The following DOK5 variants were observed in gnomAD, a reference collection of about 807,000 sequenced individuals.
DOK5 encodes the protein docking protein 5, also known as downstream of tyrosine kinase 5.
In DOK5, 27 loss-of-function variants were observed where a neutral mutation model predicts 43.3. The ratio of observed to expected loss-of-function variants is 0.62; its 90% CI spans 0.46 to 0.86. The LOEUF (loss-of-function observed/expected upper bound fraction) is 0.86, where lower values mean the gene tolerates loss of function less well. Among genes scored for constraint, DOK5 ranks in the 40% least tolerant of loss-of-function variants. DOK5 has a pLI of 0.00. For synonymous variants in DOK5, 146 were observed against 140.1 expected, an observed-to-expected ratio of 1.04 and a Z score of -0.30; for missense variants, 373 against 392.9, an observed-to-expected ratio of 0.95 and a Z score of 0.43.
intron 2 of DOK5, among the ~76,000 whole-genome samples, chr20:54,559,334 T>TA (rs1401262245): frequency 6.6e-6 from 1 of 152,174 alleles, no homozygotes; most frequent in Non-Finnish European, 1.5e-5. Context: ...ATCCCAGCTT[T>TA]GCCACCGTAT....
At chr20:54,514,099 T>C (rs1983107469) in intron 1 of DOK5, among the ~76,000 whole-genome samples, 1 of 152,208 alleles carries the variant, frequency 6.6e-6, no homozygotes, top group Non-Finnish European at 1.5e-5. Flanking sequence ...TGGATTCTGA[T>C]TTCTTGACAA....
intron 6 of DOK5, among the ~76,000 whole-genome samples, chr20:54,614,923 T>C (rs914831653): frequency 6.6e-6 from 1 of 152,212 alleles, no homozygotes; most frequent in Non-Finnish European, 1.5e-5. Flanking sequence ...TGTTTTGCCT[T>C]TTCTGGTAAT....
chr20:54,512,875 G>T (rs1983058788), intron 1 of DOK5, among the ~76,000 whole-genome samples: 2 of 152,118 alleles, frequency 1.3e-5, no homozygotes, highest in Non-Finnish European at 1.5e-5. Context: ...AACATTTGTG[G>T]GGGCCTAAGC....
rs571798333 is a variant in DOK5 at position 54,637,695 on chromosome 20, T to G, written c.736-5763T>G. The stretch of plus-strand genomic sequence containing the variant: ...TCTAATTTGATAGCTTGGTTAGGAT[T>G]TATTTTTGAAGACAATTTTCTGCTA... On this transcript the variant is annotated intron_variant, in intron 6 of 7. Transcript: ENST00000262593. Among the ~76,000 whole-genome samples the G allele has an allele frequency of 1.3e-4, 20 of 152,374 alleles. No homozygotes were observed. The South Asian group carries it at 4.1e-3, about 32-fold the overall frequency.
intron 1 of DOK5, chr20:54,494,917 C>G (rs140833075): frequency 4.0e-5 from 6 of 151,868 alleles, no homozygotes; most frequent in Middle Eastern, 3.4e-3. Flanking sequence ...ATCTGCAACT[C>G]TAGACCAACC....
chr20:54,551,643 A>G (rs1223768727), intron 1 of DOK5, among the ~76,000 whole-genome samples: 1 of 152,106 alleles, frequency 6.6e-6, no homozygotes, highest in African/African-American at 2.4e-5. Context: ...TTGCCTCAGT[A>G]CTGTACACTG....
intron 6 of DOK5, among the ~76,000 whole-genome samples, chr20:54,642,752 A>G (rs1979184970): frequency 1.3e-5 from 2 of 152,020 alleles, no homozygotes; most frequent in Admixed American, 6.6e-5. Context: ...CAAAACAGAA[A>G]AACCCCAAAC....
chr20:54,555,335 CT>C (rs1449851941), intron 2 of DOK5: 4 of 256,736 alleles, frequency 1.6e-5, no homozygotes, highest in African/African-American at 8.7e-5. Flanking sequence ...AGGATGAGGA[CT>C]GGATCTCATT....
At chr20:54,565,225 A>G (rs1985054576) in intron 2 of DOK5, among the ~76,000 whole-genome samples, 1 of 152,236 alleles carries the variant, frequency 6.6e-6, no homozygotes, top group South Asian at 2.1e-4. Flanking sequence ...CATACCTATG[A>G]TAAAGTTTAA....
chr20:54,537,433 G>A (rs1220256389), intron 1 of DOK5, among the ~76,000 whole-genome samples: 1 of 152,184 alleles, frequency 6.6e-6, no homozygotes, highest in Non-Finnish European at 1.5e-5. Context: ...TGATAAAAAT[G>A]CCCCAAGGAG....
chr20:54,605,034 CACACACACACACGTAT>C (rs1395773114), intron 5 of DOK5, among the ~76,000 whole-genome samples: 2 of 143,594 alleles, frequency 1.4e-5, no homozygotes, highest in Admixed American at 6.8e-5. Context: ...TACACACACA[CACACACACACACGTAT>C]ACACACACAC....
At chr20:54,644,417 A>T (rs892277547) in intron 7 of DOK5, among the ~76,000 whole-genome samples, 6 of 151,952 alleles carry the variant, frequency 3.9e-5, no homozygotes, top group Non-Finnish European at 7.4e-5. Context: ...ACTAAAAAAA[A>T]TACAAGGCCG....
intron 5 of DOK5, among the ~76,000 whole-genome samples, chr20:54,606,104 G>T (rs1358939505): frequency 6.6e-6 from 1 of 152,146 alleles, no homozygotes; most frequent in Non-Finnish European, 1.5e-5. Flanking sequence ...CTGAGCTATT[G>T]GTTCCTTCTG....
At chr20:54,478,990 T>A (rs1981553283) in intron 1 of DOK5, among the ~76,000 whole-genome samples, 1 of 152,128 alleles carries the variant, frequency 6.6e-6, no homozygotes, top group African/African-American at 2.4e-5. Flanking sequence ...CATATATGTG[T>A]ATGTGTGTGT....
At chr20:54,547,832 T>C (rs1984398225) in intron 1 of DOK5, among the ~76,000 whole-genome samples, 1 of 152,206 alleles carries the variant, frequency 6.6e-6, no homozygotes, top group Non-Finnish European at 1.5e-5. Flanking sequence ...GCTTTGACAG[T>C]GGCCTGTGGG....
At chr20:54,535,599 A>G (rs1023955231) in intron 1 of DOK5, among the ~76,000 whole-genome samples, 2 of 151,588 alleles carry the variant, frequency 1.3e-5, no homozygotes, top group Non-Finnish European at 2.9e-5. Flanking sequence ...AATATATTCT[A>G]TATTTGTTTT....
chr20:54,526,988 T>C (rs1192914771), intron 1 of DOK5, among the ~76,000 whole-genome samples: 1 of 152,226 alleles, frequency 6.6e-6, no homozygotes, highest in Non-Finnish European at 1.5e-5. Flanking sequence ...TTAATTTTAC[T>C]GGGAAGTGGT....
intron 1 of DOK5, among the ~76,000 whole-genome samples, chr20:54,534,075 A>G (rs1246233495): frequency 1.3e-5 from 2 of 152,248 alleles, no homozygotes; most frequent in East Asian, 1.9e-4. Flanking sequence ...TGGCTGGACT[A>G]CCCATTATAA....
chr20:54,577,041 T>C (rs1264930363), intron 2 of DOK5, among the ~76,000 whole-genome samples: 1 of 152,226 alleles, frequency 6.6e-6, no homozygotes, highest in Non-Finnish European at 1.5e-5. Context: ...TATGTTATTA[T>C]TTGATTTTTA....
Sources: gnomAD v4.1 joint callset for allele counts (sites outside exome capture counted in the v4.1 genomes callset) on GRCh38, gnomAD v4.1.1 for gene constraint, MANE v1.5 for transcripts, NCBI Gene and HGNC (gene_info 2026-07-23, HGNC 2026-07-21) for gene names.